Variants in C8A observed in about 807,000 individuals in gnomAD.
C8A encodes complement C8 alpha chain, also known as complement component C8 alpha chain.
C8A carries 67 observed loss-of-function variants against 65.3 expected under a neutral mutation model. The ratio of observed to expected loss-of-function variants is 1.03; its 90% CI spans 0.84 to 1.26. C8A has a LOEUF of 1.26. Ranked by LOEUF, C8A falls within the 50% of genes most tolerant of loss-of-function variation. The pLI is 0.00. For missense variants in C8A, 781 were observed against 723.9 expected (o/e 1.08, Z -0.90); for synonymous variants, 290 against 259.4 (o/e 1.12, Z -1.13).
intron 7 of C8A, among the ~76,000 whole-genome samples, chr1:56,892,919 T>A (rs1570341437): frequency 6.6e-6 from 1 of 152,112 alleles, no homozygotes; most frequent in South Asian, 2.1e-4. Flanking sequence ...GAATAGAAAG[T>A]TAAACTGCTG....
chr1:56,888,039 G>A (rs1332582442), intron 7 of C8A, among the ~76,000 whole-genome samples: 2 of 152,050 alleles, frequency 1.3e-5, no homozygotes, highest in Non-Finnish European at 2.9e-5. Context: ...GTAGATGACG[G>A]GTTGATGGAT....
intron 1 of C8A, among the ~76,000 whole-genome samples, chr1:56,861,921 C>T (rs1644037326): frequency 6.6e-6 from 1 of 152,164 alleles, no homozygotes; most frequent in South Asian, 2.1e-4. Flanking sequence ...ATTTTCTTTT[C>T]TAAAATGCTG....
chr1:56,876,359 TC>T, intron 4 of C8A, 150 bp downstream of exon 4: 1 of 896,548 alleles, frequency 1.1e-6, no homozygotes, highest in Non-Finnish European at 1.8e-6. Flanking sequence ...AGATGGCTTG[TC>T]CAGTCCTGCC....
Position 56,881,516 on chromosome 1 carries a change from C to G in C8A, c.536C>G (p.Thr179Arg), listed in dbSNP as rs140970213. 10 of 1,613,566 alleles carry G rather than the reference C, an allele frequency of 6.2e-6. No individual in the cohort carries two copies. Among genetic ancestry groups the G allele is most frequent in the Non-Finnish European group, 7.6e-6 (9 of 1,179,768 alleles). ...DASYYGGQCE[T>R]VYNGEWRELR... ...AGTTATTATGGGGGCCAGTGTGAGACGGTATACAATGGGGAATGGAGGGAG... is the reference window on the plus strand; with the variant it reads ...AGTTATTATGGGGGCCAGTGTGAGAGGGTATACAATGGGGAATGGAGGGAG... The change falls in exon 5 of 11, where the codon ACG becomes AGG. Residue 179 changes from threonine (T) to arginine (R), a missense_variant. Coordinates refer to ENST00000361249, the MANE Select transcript of C8A (RefSeq NM_000562.3).
intron 7 of C8A, 125 bp from the exon 8 acceptor site, chr1:56,906,542 G>C: frequency 9.6e-7 from 1 of 1,045,362 alleles, no homozygotes; most frequent in Non-Finnish European, 1.5e-6. Context: ...AAAGAACCGG[G>C]CTTTCAACCC....
In C8A at chr1:56,876,155, A is replaced by C. The variant is rs1191494943; in HGVS notation, c.410A>C (p.Asp137Ala). Reference protein sequence around the residue: ...EDDCEDVRAIDEDCSQYEPIP... With the variant: ...EDDCEDVRAIAEDCSQYEPIP... ...GACTGTGAAGATGTCAGGGCCATTG[A>C]CGAAGACTGCAGCCAGTATGAACCA... Residue 137 changes from aspartate (D) to alanine (A), a missense_variant, in exon 4 of 11, where the codon GAC becomes GCC. Physicochemically the swap from Asp to Ala is moderately radical, Grantham distance 126. Coordinates refer to ENST00000361249, the MANE Select transcript of C8A (RefSeq NM_000562.3). The C allele has an allele frequency of 3.1e-6, 5 of 1,613,840 alleles. No individual in the cohort carries two copies. The highest frequency in any genetic ancestry group is 1.3e-5 in the African/African-American group (1 of 74,912).
intron 7 of C8A, among the ~76,000 whole-genome samples, chr1:56,895,171 A>C (rs924930789): frequency 6.6e-6 from 1 of 152,116 alleles, no homozygotes; most frequent in Non-Finnish European, 1.5e-5. Flanking sequence ...CCAAGTACTC[A>C]TCCCTTTTTC....
At chr1:56,865,695 C>T (rs1283281868) in intron 1 of C8A, among the ~76,000 whole-genome samples, 1 of 152,028 alleles carries the variant, frequency 6.6e-6, no homozygotes, top group Non-Finnish European at 1.5e-5. Flanking sequence ...TGCAGAGACC[C>T]TATCATTTCA....
chr1:56,903,918 C>A (rs1210456931), intron 7 of C8A, among the ~76,000 whole-genome samples: 1 of 152,172 alleles, frequency 6.6e-6, no homozygotes, highest in Non-Finnish European at 1.5e-5. Flanking sequence ...AACTCCAGAG[C>A]TCACTGAGTT....
Position 56,897,951 on chromosome 1 carries a change from A to T in C8A, c.1097-8716A>T, listed in dbSNP as rs1236845923. On this transcript the variant is annotated intron_variant, in intron 7 of 10. Transcript: ENST00000361249. Reference sequence around the variant, plus strand: ...CATAATGTGATAAATGTTTAAATAGAAACAAATACAGTAGAAGCACAAAGG... The same window carrying T: ...CATAATGTGATAAATGTTTAAATAGTAACAAATACAGTAGAAGCACAAAGG... 2.6e-5 allele frequency among the ~76,000 whole-genome samples: 4 copies of T among 152,170 alleles called. No homozygotes were observed. In the South Asian group the frequency reaches 6.2e-4, roughly 24 times the overall value.
At chr1:56,897,658 C>T (rs764873042) in intron 7 of C8A, among the ~76,000 whole-genome samples, 18 of 152,116 alleles carry the variant, frequency 1.2e-4, no homozygotes, top group Middle Eastern at 3.2e-3. Context: ...CTTAAATTAC[C>T]ATCACATTTA....
chr1:56,876,220 G>T lies in C8A; in HGVS notation c.464+11G>T, dbSNP rs149171325. 2.1e-4 allele frequency: 336 copies of T among 1,613,662 alleles called. 2 individuals carry two copies. The East Asian group carries it at 6.5e-3, about 31-fold the overall frequency. ...GAAGGCAGCCTTGGGGTGAGGCCCT[G>T]CCTACTAGCTATTTAGGAGCAGGGA... On this transcript the variant is annotated intron_variant, in intron 4 of 10. Transcript: ENST00000361249.
intron 5 of C8A, among the ~76,000 whole-genome samples, chr1:56,883,223 CT>C (rs1644261580): frequency 6.7e-6 from 1 of 150,240 alleles, no homozygotes; most frequent in Non-Finnish European, 1.5e-5. Context: ...TCATCTGCAT[CT>C]GTGTGTGTGT....
intron 9 of C8A, among the ~76,000 whole-genome samples, chr1:56,911,593 A>G (rs948042525): frequency 6.6e-6 from 1 of 152,232 alleles, no homozygotes; most frequent in African/African-American, 2.4e-5. Context: ...GCTGGCATGT[A>G]GTGGGTAGAG....
intron 7 of C8A, among the ~76,000 whole-genome samples, chr1:56,890,463 A>G (rs1028838166): frequency 2.0e-5 from 3 of 152,142 alleles, no homozygotes; most frequent in South Asian, 4.1e-4. Flanking sequence ...AAGTCCAAAT[A>G]TCATACTTGG....
chr1:56,906,660 G>T lies in C8A; in HGVS notation c.1097-7G>T. 6.2e-7 allele frequency: 1 copy of T among 1,613,834 alleles called. No individual in the cohort carries two copies. Among genetic ancestry groups the T allele is most frequent in the Non-Finnish European group, 8.5e-7 (1 of 1,179,774 alleles). ...GCATTTTGTGTTTCTCTGTCTCCCT[G>T]TTGCAGGTATTACCAGCAGAGATAT... On this transcript the variant is annotated splice_region_variant and splice_polypyrimidine_tract_variant and intron_variant, in intron 7 of 10. Coordinates refer to ENST00000361249, the MANE Select transcript of C8A (RefSeq NM_000562.3).
chr1:56,897,150 T>C (rs1644392765), intron 7 of C8A, among the ~76,000 whole-genome samples: 1 of 152,218 alleles, frequency 6.6e-6, no homozygotes, highest in Non-Finnish European at 1.5e-5. Flanking sequence ...AGTGAGTAAA[T>C]TGGGTTTTAA....
chr1:56,885,883 GCT>G lies in C8A; in HGVS notation c.856-39_856-38del, dbSNP rs781320253. 29 of 1,612,726 alleles carry G rather than the reference GCT, an allele frequency of 1.8e-5. No individual in the cohort carries two copies. The African/African-American group carries it at 3.9e-4, about 22-fold the overall frequency. On this transcript the variant is annotated intron_variant, in intron 6 of 10. Transcript: ENST00000361249. The stretch of plus-strand genomic sequence containing the variant: ...CATTATTTCTAATGGTAAAATATAT[GCT>G]CTCTTTGTTCTTTTGCTTTATTCAA...
intron 7 of C8A, among the ~76,000 whole-genome samples, chr1:56,898,494 A>G (rs1400635832): frequency 6.6e-6 from 1 of 152,044 alleles, no homozygotes; most frequent in Non-Finnish European, 1.5e-5. Context: ...TATTTCTTCT[A>G]CCTGGAATTT....
Sources: allele counts gnomAD v4.1 joint callset (sites outside exome capture counted in the v4.1 genomes callset), GRCh38; gene constraint gnomAD v4.1.1; transcripts MANE v1.5; gene names NCBI Gene and HGNC (gene_info 2026-07-23, HGNC 2026-07-21).